The following BUB1 variants were observed in gnomAD, a reference collection of about 807,000 sequenced individuals.
BUB1 encodes mitotic checkpoint serine/threonine-protein kinase BUB1.
Under a neutral mutation model 135.2 loss-of-function variants are expected in BUB1, and 84 were observed. The observed-to-expected ratio is 0.62, with a 90% CI of 0.52 to 0.74. The LOEUF (loss-of-function observed/expected upper bound fraction) is 0.74. BUB1 is among the 30% of genes least tolerant of loss of function. BUB1 has a pLI of 0.00. For synonymous variants in BUB1, 403 were observed against 434.4 expected, an observed-to-expected ratio of 0.93 and a Z score of 0.90; for missense variants, 1,162 against 1,288.3, an observed-to-expected ratio of 0.90 and a Z score of 1.50.
chr2:110,651,029 A>ATATT (rs1689771450), intron 17 of BUB1, among the ~76,000 whole-genome samples: 1 of 152,322 alleles, frequency 6.6e-6, no homozygotes, highest in South Asian at 2.1e-4. Flanking sequence ...AATACATGGG[A>ATATT]TATTCTTTAG....
At chr2:110,657,779 G>A (rs1162778608) in intron 13 of BUB1, 134 bp from the exon 14 acceptor site, 7 of 612,766 alleles carry the variant, frequency 1.1e-5, no homozygotes, top group Non-Finnish European at 1.9e-5. Flanking sequence ...TCAAATACTA[G>A]GCAGTAAGTC....
At chr2:110,663,544 G>T (rs1690156000) in intron 9 of BUB1, among the ~76,000 whole-genome samples, 1 of 152,150 alleles carries the variant, frequency 6.6e-6, no homozygotes, top group African/African-American at 2.4e-5. Context: ...AAAGACAGTG[G>T]CTTGATATAC....
intron 9 of BUB1, among the ~76,000 whole-genome samples, chr2:110,665,076 C>T (rs1219789349): frequency 6.6e-6 from 1 of 152,136 alleles, no homozygotes; most frequent in East Asian, 1.9e-4. Flanking sequence ...ATGATACACT[C>T]CCTTTTATAA....
intron 19 of BUB1, among the ~76,000 whole-genome samples, chr2:110,644,058 C>CAAAAAAAAAAAA (rs58393999): frequency 6.8e-4 from 27 of 39,672 alleles, no homozygotes; most frequent in Non-Finnish European, 8.6e-4. Flanking sequence ...AACTGAAATG[C>CAAAAAAAAAAAA]AAAAAAAAAA....
Position 110,674,359 on chromosome 2 carries a change from A to G in BUB1, c.33T>C (p.Leu11=), listed in dbSNP as rs752170507. Residue 11 remains leucine, a synonymous_variant, in exon 2 of 25, where the codon CTT becomes CTC. Transcript: ENST00000302759. MDTPENVLQM[L]EAHMQSYKGN... ...CCTTGTAGCTCTGCATGTGGGCTTC[A>G]AGCATCCTAGAAGAGAGAAAGGTAT... 3.7e-6 allele frequency: 6 copies of G among 1,614,006 alleles called. No homozygotes were observed. The highest frequency in any genetic ancestry group is 5.1e-6 in the Non-Finnish European group (6 of 1,179,942).
Position 110,648,285 on chromosome 2 carries a change from C to G in BUB1, c.2347+949G>C, listed in dbSNP as rs917648589. On this transcript the variant is annotated intron_variant, in intron 19 of 24. Transcript: ENST00000302759. The surrounding 1 kb of genome is among the most constrained non-coding windows in gnomAD (Gnocchi z 4.2). ...AATGCATATTGCTAAGTAAAAGATG[C>G]CAGTTGAAAAGGCTATATACTATAT... Among the ~76,000 whole-genome samples the G allele has an allele frequency of 2.6e-5, 4 of 151,416 alleles. No individual in the cohort carries two copies. The highest frequency in any genetic ancestry group is 9.7e-5 in the African/African-American group (4 of 41,274).
Position 110,641,197 on chromosome 2 carries a change from T to C in BUB1, c.2792A>G (p.Glu931Gly), listed in dbSNP as rs1689494674. Residue 931 changes from glutamate to glycine, a missense_variant, in exon 23 of 25, where the codon GAA becomes GGA. Transcript: ENST00000302759. ...AGATAAATCATCTTCATCATCCTGT[T>C]CCAAAAATCTATATTAAACACAAAC... ...DNFILGNGFL[E>G]QDDEDDLSAG... 2 of 1,596,910 alleles carry C rather than the reference T, an allele frequency of 1.3e-6. No homozygotes were observed. Among genetic ancestry groups the C allele is most frequent in the Non-Finnish European group, 1.7e-6 (2 of 1,173,130 alleles).
intron 19 of BUB1, among the ~76,000 whole-genome samples, chr2:110,647,751 T>C (rs570262756): frequency 4.6e-5 from 7 of 152,292 alleles, no homozygotes; most frequent in African/African-American, 1.7e-4. Context: ...AAGATCTGGA[T>C]AGACATCTCA....
intron 10 of BUB1, 26 bp from the exon 11 acceptor site, chr2:110,660,062 A>G: frequency 6.3e-7 from 1 of 1,590,368 alleles, no homozygotes; most frequent in Non-Finnish European, 8.6e-7. Flanking sequence ...CTTGAGACAC[A>G]CTAGAGAATA....
chr2:110,658,034 T>C (rs1465250093), intron 13 of BUB1, among the ~76,000 whole-genome samples: 1 of 152,202 alleles, frequency 6.6e-6, no homozygotes, highest in Non-Finnish European at 1.5e-5. Context: ...ATCTTTATCA[T>C]GATCTCTGGC....
chr2:110,658,682 A>C lies in BUB1; in HGVS notation c.1337T>G (p.Leu446Arg), dbSNP rs1689998736. The change falls in exon 12 of 25, where the codon CTG becomes CGG. Residue 446 changes from leucine to arginine, a missense_variant. By Grantham distance (102) the Leu-to-Arg change is moderately radical (BLOSUM62 -2). Transcript: ENST00000302759. ...SSFHTTPNTSLGMVQATPSKV... is the reference protein window; with the variant it reads ...SSFHTTPNTSRGMVQATPSKV... ...GGATGGCGTTGCCTGAACCATTCCCAGTGATGTGTTTGGAGTTGTGTGAAA... is the reference window on the plus strand; with the variant it reads ...GGATGGCGTTGCCTGAACCATTCCCCGTGATGTGTTTGGAGTTGTGTGAAA... 1.2e-6 allele frequency: 2 copies of C among 1,614,198 alleles called. No homozygotes were observed. Among genetic ancestry groups the C allele is most frequent in the South Asian group, 2.2e-5 (2 of 91,088 alleles).
At chr2:110,654,560 T>C (rs917147681) in intron 16 of BUB1, among the ~76,000 whole-genome samples, 2 of 151,972 alleles carry the variant, frequency 1.3e-5, no homozygotes, top group East Asian at 3.8e-4. Context: ...CTCTTAAGAA[T>C]AGCCAATATT....
intron 19 of BUB1, among the ~76,000 whole-genome samples, chr2:110,644,474 G>A (rs1309163786): frequency 2.8e-5 from 3 of 107,558 alleles, no homozygotes; most frequent in South Asian, 2.8e-4. Context: ...GCAAAACCCC[G>A]TCTCAAAAAA....
Position 110,641,469 on chromosome 2 carries a change from G to A in BUB1, c.2626-5C>T. 1 of 1,598,416 alleles carries A rather than the reference G, an allele frequency of 6.3e-7. No individual in the cohort carries two copies. Among genetic ancestry groups the A allele is most frequent in the Non-Finnish European group, 8.5e-7 (1 of 1,174,212 alleles). On this transcript the variant is annotated splice_polypyrimidine_tract_variant and splice_region_variant and intron_variant, in intron 21 of 24. Coordinates refer to ENST00000302759, the MANE Select transcript of BUB1 (RefSeq NM_004336.5). ...TTTATAGAGGTTAATGGCATTCTAG[G>A]AACAATGGAAAGTGGAATCCTGAGT...
Position 110,678,051 on chromosome 2 carries a change from C to T in BUB1, c.-56G>A. The T allele has an allele frequency of 6.4e-7, 1 of 1,560,784 alleles. No homozygotes were observed. Among genetic ancestry groups the T allele is most frequent in the African/African-American group, 1.4e-5 (1 of 73,264 alleles). ...ACCTGAACCGCAAACTAGAAGCCGC[C>T]GCCGATTCGAATACCCCGCGCAGCC... On this transcript the variant is annotated 5_prime_UTR_variant, in exon 1 of 25. Transcript: ENST00000302759.
intron 5 of BUB1, among the ~76,000 whole-genome samples, chr2:110,670,126 GTT>G (rs377459142): frequency 4.1e-5 from 5 of 120,856 alleles, no homozygotes; most frequent in Middle Eastern, 4.2e-3. Context: ...AATTGGATGG[GTT>G]TTTTTTTTTT....
chr2:110,672,994 T>G, intron 3 of BUB1, 137 bp from the exon 4 acceptor site: 1 of 858,050 alleles, frequency 1.2e-6, no homozygotes, highest in Non-Finnish European at 1.7e-6. Flanking sequence ...CAAGGCAGGT[T>G]TAGAGGGTTG....
At chr2:110,664,597 TA>T (rs1405609093) in intron 9 of BUB1, among the ~76,000 whole-genome samples, 1 of 141,862 alleles carries the variant, frequency 7.0e-6, no homozygotes, top group Non-Finnish European at 1.5e-5. Context: ...TTTTTTTAAA[TA>T]AGCTACTGGA....
chr2:110,639,065 T>C (rs1345921078), intron 24 of BUB1, among the ~76,000 whole-genome samples: 2 of 152,090 alleles, frequency 1.3e-5, no homozygotes, highest in Non-Finnish European at 2.9e-5. Flanking sequence ...TGCATGTTTT[T>C]ATGCCTCAAA....
Sources: allele counts gnomAD v4.1 joint callset (sites outside exome capture counted in the v4.1 genomes callset), GRCh38; gene constraint gnomAD v4.1.1; non-coding constraint Gnocchi (gnomAD v3.1); transcripts MANE v1.5; gene names NCBI Gene and HGNC (gene_info 2026-07-23, HGNC 2026-07-21).